LRRK1: variants seen among roughly 807,000 people sequenced by gnomAD.
The protein encoded by LRRK1 is leucine-rich repeat serine/threonine-protein kinase 1.
A neutral mutation model predicts 209.1 loss-of-function variants in LRRK1; 113 were observed. The observed-to-expected ratio is 0.54, with a 90% CI of 0.46 to 0.63. The LOEUF (loss-of-function observed/expected upper bound fraction) is 0.63, where lower values mean the gene tolerates loss of function less well. Ranked by LOEUF, LRRK1 falls within the 30% of genes least tolerant of loss-of-function variation. The pLI, the probability that LRRK1 is intolerant of heterozygous loss-of-function variation, is 0.00. For synonymous variants in LRRK1, 1,144 were observed against 1,099.7 expected (o/e 1.04, Z -0.80); for missense variants, 2,284 against 2,632.2 (o/e 0.87, Z 2.89).
chr15:101,014,123 C>A (rs568604938), intron 10 of LRRK1, among the ~76,000 whole-genome samples, 193 bp from the exon 11 acceptor site: 1 of 152,090 alleles, frequency 6.6e-6, no homozygotes, highest in Non-Finnish European at 1.5e-5. Flanking sequence ...TAGATGGCCC[C>A]GTCGCACTGT....
chr15:100,925,235 C>G (rs899368307), intron 2 of LRRK1, among the ~76,000 whole-genome samples: 2 of 152,202 alleles, frequency 1.3e-5, no homozygotes, highest in Non-Finnish European at 2.9e-5. Flanking sequence ...GCTTTTTTCT[C>G]TTCACCGTCC....
intron 2 of LRRK1, among the ~76,000 whole-genome samples, chr15:100,942,954 A>G (rs2042471037): frequency 6.6e-6 from 1 of 152,110 alleles, no homozygotes; most frequent in Non-Finnish European, 1.5e-5. Flanking sequence ...TTACTGATCA[A>G]CCCGTAGTGC....
At chr15:100,926,463 G>T (rs1389052022) in intron 2 of LRRK1, among the ~76,000 whole-genome samples, 1 of 151,858 alleles carries the variant, frequency 6.6e-6, no homozygotes, top group Non-Finnish European at 1.5e-5. Context: ...AGGAGGCGCT[G>T]CTCCCTCCCC....
At chr15:100,943,618 T>G (rs1336816574) in intron 2 of LRRK1, among the ~76,000 whole-genome samples, 1 of 152,118 alleles carries the variant, frequency 6.6e-6, no homozygotes, top group Non-Finnish European at 1.5e-5. Context: ...TGGTTCTTTT[T>G]TTTTTTTTAA....
At chr15:100,956,075 TA>T (rs2042750946) in intron 2 of LRRK1, among the ~76,000 whole-genome samples, 1 of 152,238 alleles carries the variant, frequency 6.6e-6, no homozygotes, top group South Asian at 2.1e-4. Flanking sequence ...CACTCTTCTT[TA>T]AACGTTTGGT....
At position 101,057,066 on chromosome 15, in the gene LRRK1, G is replaced by C. The variant is rs1567277219; in HGVS notation, c.4527+16G>C. Reference sequence around the variant, plus strand: ...GCCAGAGAAGGTACTTGGGGACACAGAGCCCAGGGCCTGGGACCTCCTGCC... The same window carrying C: ...GCCAGAGAAGGTACTTGGGGACACACAGCCCAGGGCCTGGGACCTCCTGCC... On this transcript the variant is annotated intron_variant, in intron 28 of 33. Coordinates refer to ENST00000388948, the MANE Select transcript of LRRK1 (RefSeq NM_024652.6). The C allele has an allele frequency of 6.3e-7, 1 of 1,577,720 alleles. No individual in the cohort carries two copies. The highest frequency in any genetic ancestry group is 1.2e-5 in the South Asian group (1 of 85,394).
intron 6 of LRRK1, among the ~76,000 whole-genome samples, chr15:100,990,450 T>C (rs1470773372): frequency 1.3e-5 from 2 of 152,066 alleles, no homozygotes; most frequent in African/African-American, 4.8e-5. Context: ...AACACTCTGG[T>C]GATTCACATT....
At chr15:101,054,617 G>T (rs1248603575) in intron 26 of LRRK1, among the ~76,000 whole-genome samples, 1 of 152,160 alleles carries the variant, frequency 6.6e-6, no homozygotes, top group Non-Finnish European at 1.5e-5. Flanking sequence ...GACCAGCCTG[G>T]CCAACATGGT....
chr15:100,983,884 C>A, intron 4 of LRRK1, 185 bp downstream of exon 4: 1 of 759,172 alleles, frequency 1.3e-6, no homozygotes, highest in African/African-American at 1.7e-5. Context: ...CTCCCATGAA[C>A]TCATAAGGGA....
chr15:101,056,516 G>A (rs1235373682), intron 27 of LRRK1, among the ~76,000 whole-genome samples: 2 of 152,160 alleles, frequency 1.3e-5, no homozygotes. Context: ...AGGAAGGATA[G>A]GAAGACAGAT....
intron 11 of LRRK1, among the ~76,000 whole-genome samples, chr15:101,015,043 G>A (rs757361647): frequency 7.2e-5 from 11 of 152,198 alleles, no homozygotes; most frequent in African/African-American, 1.9e-4. Flanking sequence ...GTGGAAAGCC[G>A]GGATGAGCCC....
At chr15:101,057,872 C>A in intron 28 of LRRK1, 118 bp from the exon 29 acceptor site, 2 of 1,135,470 alleles carry the variant, frequency 1.8e-6, no homozygotes, top group Non-Finnish European at 2.6e-6. Context: ...TGGATCTAGT[C>A]TGAATGAACA....
Position 101,068,863 on chromosome 15 carries a change from C to A in LRRK1, c.*15C>A. On this transcript the variant is annotated 3_prime_UTR_variant, in exon 34 of 34. Coordinates refer to ENST00000388948, the MANE Select transcript of LRRK1 (RefSeq NM_024652.6). ...AGAGAAGGTAATTCCTGTGGAATGA[C>A]TGTCACACATCAGAGCTGGCTGGCC... The A allele has an allele frequency of 6.3e-7, 1 of 1,579,574 alleles. No individual in the cohort carries two copies.
intron 27 of LRRK1, among the ~76,000 whole-genome samples, chr15:101,056,411 GGATGGAAGGATGGATC>G (rs1423029591): frequency 6.6e-6 from 1 of 152,070 alleles, no homozygotes; most frequent in East Asian, 1.9e-4. Flanking sequence ...GTGTTTTATT[GGATGGAAGGATGGATC>G]GATGGATAGA....
Position 101,032,927 on chromosome 15 carries a change from C to T in LRRK1, c.2963+3695C>T, listed in dbSNP as rs7173173. 7.5e-3 allele frequency among the ~76,000 whole-genome samples: 1,142 copies of T among 152,224 alleles called. 9 individuals carry two copies. The highest frequency in any genetic ancestry group is 0.026 in the African/African-American group (1,082 of 41,526). On this transcript the variant is annotated intron_variant, in intron 20 of 33. Transcript: ENST00000388948. ...AAGACTTGAAATCAGGTTGCGTGAG[C>T]GTTTTGTATTAGTTTCCTGTGATTG...
chr15:101,008,959 G>C lies in LRRK1; in HGVS notation c.885G>C (p.Ser295=). 1 of 1,614,068 alleles carries C rather than the reference G, an allele frequency of 6.2e-7. No homozygotes were observed. Among genetic ancestry groups the C allele is most frequent in the South Asian group, 1.1e-5 (1 of 91,078 alleles). The change falls in exon 7 of 34, where the codon TCG becomes TCC. Residue 295 remains serine, a synonymous_variant. Transcript: ENST00000388948. The part of the protein sequence containing the change: ...LSANCLATLP[S]VIPWGLINLR... ...CCAACTGCCTGGCGACCCTCCCCTC[G>C]GTTATCCCCTGGGGCCTCATCAATC...
rs1884063698 is a variant in LRRK1, at chr15:100,988,797, T to G, written c.597T>G (p.Tyr199Ter). The G allele has an allele frequency of 6.2e-7, 1 of 1,604,136 alleles. No homozygotes were observed. Residue 199 changes from tyrosine to a stop codon, truncating the protein, a stop_gained, in exon 5 of 34, where the codon TAT becomes TAG. Transcript: ENST00000388948. LOFTEE classifies it high-confidence loss of function. The stretch of plus-strand genomic sequence containing the variant: ...CTGTCATCGTGCGCTTGCCCCTGTA[T>G]GCGGCCATCAAGTCAGGTGGGTTTC... ...EFPVIVRLPL[Y>*]AAIKSGNEDI...
Position 101,070,735 on chromosome 15 carries a change from G to A in LRRK1, c.*1887G>A, listed in dbSNP as rs1460135434. The A allele has an allele frequency of 6.6e-6, 1 of 151,390 alleles. No homozygotes were observed. Among genetic ancestry groups the A allele is most frequent in the Non-Finnish European group, 1.5e-5 (1 of 67,994 alleles). 9.4% of individuals were successfully genotyped at this position (151,390 alleles called of 1,614,324 possible). On this transcript the variant is annotated 3_prime_UTR_variant, in exon 34 of 34. Coordinates refer to ENST00000388948, the MANE Select transcript of LRRK1 (RefSeq NM_024652.6). ...TTGAGCCTGGGAGTTGGAGGTTACA[G>A]TGAGCTATGATCACACCAGCTTTCT...
intron 2 of LRRK1, among the ~76,000 whole-genome samples, chr15:100,959,994 A>G (rs913404691): frequency 2.0e-5 from 3 of 152,186 alleles, no homozygotes; most frequent in Non-Finnish European, 2.9e-5. Context: ...AGGAAGTTAA[A>G]TCCAGTTAGC....
Sources: allele counts gnomAD v4.1 joint callset (sites outside exome capture counted in the v4.1 genomes callset), GRCh38; gene constraint gnomAD v4.1.1; transcripts MANE v1.5; gene names NCBI Gene and HGNC (gene_info 2026-07-23, HGNC 2026-07-21).